Variants in SMAP1 observed in about 807,000 individuals in gnomAD.
SMAP1 encodes small ArfGAP 1.
In SMAP1, 24 loss-of-function variants were observed where a neutral mutation model predicts 58.5. The observed-to-expected ratio is 0.41, with a 90% CI of 0.30 to 0.58. The LOEUF (loss-of-function observed/expected upper bound fraction) is 0.58, where lower values mean the gene tolerates loss of function less well. SMAP1 is among the 20% of genes least tolerant of loss of function. The pLI is 0.29. For missense variants in SMAP1, 563 were observed against 566.3 expected (o/e 0.99, Z 0.06); for synonymous variants, 216 against 196.6 (o/e 1.10, Z -0.82).
intron 1 of SMAP1, among the ~76,000 whole-genome samples, chr6:70,711,519 A>G (rs1177336555): frequency 6.8e-6 from 1 of 147,166 alleles, no homozygotes; most frequent in Non-Finnish European, 1.5e-5. Flanking sequence ...TTAATTTATT[A>G]GCTCTTTTTT....
chr6:70,789,627 A>G (rs1768253416), intron 4 of SMAP1, among the ~76,000 whole-genome samples: 1 of 129,794 alleles, frequency 7.7e-6, no homozygotes, highest in African/African-American at 3.0e-5. Flanking sequence ...TGTGATGTGC[A>G]TCTGTTATCC....
chr6:70,828,299 A>G (rs928026815), intron 6 of SMAP1, among the ~76,000 whole-genome samples: 2 of 152,210 alleles, frequency 1.3e-5, no homozygotes, highest in Non-Finnish European at 2.9e-5. Context: ...TTCAGTAGGT[A>G]ATCAGATAGG....
At chr6:70,700,086 C>T (rs190740232) in intron 1 of SMAP1, among the ~76,000 whole-genome samples, 29 of 152,106 alleles carry the variant, frequency 1.9e-4, no homozygotes, top group African/African-American at 6.5e-4. Context: ...TTCCTCGTAC[C>T]TTCGTGCTGT....
At chr6:70,751,660 T>G (rs1414501921) in intron 2 of SMAP1, among the ~76,000 whole-genome samples, 1 of 152,168 alleles carries the variant, frequency 6.6e-6, no homozygotes, top group South Asian at 2.1e-4. Flanking sequence ...GATCTTTGAA[T>G]TTTTAGTGAT....
At chr6:70,812,879 G>A (rs182006496) in intron 6 of SMAP1, among the ~76,000 whole-genome samples, 1 of 152,116 alleles carries the variant, frequency 6.6e-6, no homozygotes, top group Admixed American at 6.6e-5. Flanking sequence ...TGCCCCCAGT[G>A]TGTCTCTCCT....
chr6:70,834,140 T>G (rs945949145), intron 6 of SMAP1, among the ~76,000 whole-genome samples: 61 of 152,248 alleles, frequency 4.0e-4, no homozygotes, highest in African/African-American at 1.3e-3. Flanking sequence ...TTTCTTTCCT[T>G]TTCAAACTAT....
intron 5 of SMAP1, 45 bp downstream of exon 5, chr6:70,791,814 T>C (rs2149943714): frequency 6.7e-7 from 1 of 1,482,282 alleles, no homozygotes; most frequent in Non-Finnish European, 9.4e-7. Flanking sequence ...TGTTAAATGG[T>C]AAATTAACTT....
intron 1 of SMAP1, among the ~76,000 whole-genome samples, chr6:70,682,859 G>A (rs769042967): frequency 2.6e-5 from 4 of 152,058 alleles, no homozygotes; most frequent in African/African-American, 9.7e-5. Flanking sequence ...CCAACGTGGC[G>A]AAACCCTGTC....
chr6:70,738,472 AC>A (rs1236632092), intron 2 of SMAP1, among the ~76,000 whole-genome samples: 152 of 147,398 alleles, frequency 1.0e-3, no homozygotes, highest in African/African-American at 2.9e-3. Context: ...AAAAAAAAAA[AC>A]CAGTGGATAC....
intron 7 of SMAP1, among the ~76,000 whole-genome samples, chr6:70,849,423 A>G (rs963658471): frequency 4.4e-5 from 5 of 113,850 alleles, no homozygotes; most frequent in Middle Eastern, 4.5e-3. Flanking sequence ...TAATATAGTA[A>G]TAATAATAAA....
intron 2 of SMAP1, among the ~76,000 whole-genome samples, 177 bp downstream of exon 2, chr6:70,732,688 G>A (rs1371007657): frequency 6.6e-6 from 1 of 152,164 alleles, no homozygotes; most frequent in Admixed American, 6.5e-5. Context: ...ATTTCATTTT[G>A]TGTCTATAGT....
intron 1 of SMAP1, chr6:70,668,573 T>C: frequency 6.5e-7 from 1 of 1,535,172 alleles, no homozygotes; most frequent in Non-Finnish European, 8.7e-7. Flanking sequence ...TCCCCTCCTC[T>C]ACCCTCCGGT....
chr6:70,791,799 TG>T, intron 5 of SMAP1, 30 bp downstream of exon 5: 1 of 1,574,762 alleles, frequency 6.4e-7, no homozygotes, highest in African/African-American at 1.3e-5. Flanking sequence ...AGCTACATTA[TG>T]TAGTGTTAAA....
intron 1 of SMAP1, among the ~76,000 whole-genome samples, chr6:70,682,323 G>A (rs1163900765): frequency 6.6e-6 from 1 of 151,492 alleles, no homozygotes; most frequent in Non-Finnish European, 1.5e-5. Context: ...CAAGTAGCTG[G>A]GATTACAGGC....
intron 3 of SMAP1, among the ~76,000 whole-genome samples, chr6:70,763,177 G>A (rs1276110523): frequency 7.6e-6 from 1 of 131,630 alleles, no homozygotes; most frequent in South Asian, 2.4e-4. Flanking sequence ...GTCTGTTGGC[G>A]CCATATTTTC....
intron 10 of SMAP1, chr6:70,859,655 T>A: frequency 3.5e-4 from 90 of 253,906 alleles, no homozygotes; most frequent in Middle Eastern, 2.6e-3. Context: ...ATATATATAT[T>A]TGACTCCAGT....
chr6:70,724,726 G>A (rs1027334924), intron 1 of SMAP1, among the ~76,000 whole-genome samples: 3 of 152,128 alleles, frequency 2.0e-5, no homozygotes, highest in Admixed American at 6.6e-5. Context: ...CATTGCCGAG[G>A]CTTCTTTACA....
intron 2 of SMAP1, among the ~76,000 whole-genome samples, chr6:70,751,837 A>G (rs1480778721): frequency 6.6e-6 from 1 of 152,202 alleles, no homozygotes; most frequent in East Asian, 1.9e-4. Context: ...TTTATTACCA[A>G]TAATTTAAAA....
At chr6:70,703,764 C>T (rs141125711) in intron 1 of SMAP1, among the ~76,000 whole-genome samples, 1 of 152,194 alleles carries the variant, frequency 6.6e-6, no homozygotes, top group African/African-American at 2.4e-5. Flanking sequence ...GTGCATCTCT[C>T]TCCTCTTGTA....
Sources: gnomAD v4.1 joint callset for allele counts (sites outside exome capture counted in the v4.1 genomes callset) on GRCh38, gnomAD v4.1.1 for gene constraint, MANE v1.5 for transcripts, NCBI Gene and HGNC (gene_info 2026-07-23, HGNC 2026-07-21) for gene names.